Variants in KCND2 observed in about 807,000 individuals in gnomAD.
KCND2 encodes the protein A-type voltage-gated potassium channel KCND2.
KCND2 carries 16 observed loss-of-function variants against 54.4 expected under a neutral mutation model. The observed-to-expected ratio is 0.29, with a 90% CI of 0.20 to 0.45. The LOEUF (loss-of-function observed/expected upper bound fraction) is 0.45, where lower values mean the gene tolerates loss of function less well. Among genes scored for constraint, KCND2 ranks in the 20% least tolerant of loss-of-function variants. KCND2 has a pLI of 1.00. For missense variants in KCND2, 486 were observed against 824.2 expected (o/e 0.59, Z 5.02); for synonymous variants, 317 against 310.7 (o/e 1.02, Z -0.21).
At chr7:120,292,054 CCAAA>C (rs1799442630) in intron 1 of KCND2, among the ~76,000 whole-genome samples, 1 of 151,632 alleles carries the variant, frequency 6.6e-6, no homozygotes, top group South Asian at 2.1e-4. Flanking sequence ...AGTATTTTTC[CCAAA>C]CAGTTTAAGA....
rs1800901853 is a variant in KCND2, at chr7:120,380,487, G to A, written c.1115+104740G>A. Among the ~76,000 whole-genome samples, 2 of 151,836 alleles carry A rather than the reference G, an allele frequency of 1.3e-5. 1 individual carries two copies. The highest frequency in any genetic ancestry group is 1.3e-4 in the Admixed American group (2 of 15,194). On this transcript the variant is annotated intron_variant, in intron 1 of 5. Transcript: ENST00000331113. ...CAAATTCCAAAGTAGTATAACTTTG[G>A]GAAGTAAGAAAAATAAAAGACAATA...
chr7:120,452,400 G>T (rs1802126082), intron 1 of KCND2, among the ~76,000 whole-genome samples: 1 of 152,150 alleles, frequency 6.6e-6, no homozygotes, highest in South Asian at 2.1e-4. Context: ...CAGCCATTTG[G>T]AACATGTGAT....
At chr7:120,438,304 A>G (rs1463407312) in intron 1 of KCND2, among the ~76,000 whole-genome samples, 1 of 152,168 alleles carries the variant, frequency 6.6e-6, no homozygotes, top group Non-Finnish European at 1.5e-5. Context: ...TGGGGATGTA[A>G]CAGTTTTCAC....
intron 1 of KCND2, among the ~76,000 whole-genome samples, chr7:120,691,249 T>G (rs1343633683): frequency 6.6e-6 from 1 of 152,146 alleles, no homozygotes; most frequent in East Asian, 1.9e-4. Flanking sequence ...ATTTCTAACA[T>G]CTGCTGTAAC....
chr7:120,475,872 C>T (rs1459508388), intron 1 of KCND2, among the ~76,000 whole-genome samples: 1 of 152,122 alleles, frequency 6.6e-6, no homozygotes, highest in East Asian at 1.9e-4. Flanking sequence ...AATATTATAA[C>T]ATCCCCACTA....
At chr7:120,605,219 T>A (rs936226427) in intron 1 of KCND2, among the ~76,000 whole-genome samples, 1 of 152,062 alleles carries the variant, frequency 6.6e-6, no homozygotes, top group African/African-American at 2.4e-5. Context: ...TAGCAGTCAC[T>A]CTCCAATCCT....
chr7:120,722,813 C>T (rs537452011), intron 1 of KCND2, among the ~76,000 whole-genome samples: 2 of 152,294 alleles, frequency 1.3e-5, no homozygotes, highest in South Asian at 2.1e-4. Flanking sequence ...AAGGCTGGCA[C>T]TGCAGGCATA....
At chr7:120,290,187 G>A (rs772568483) in intron 1 of KCND2, among the ~76,000 whole-genome samples, 17 of 151,946 alleles carry the variant, frequency 1.1e-4, no homozygotes, top group Non-Finnish European at 2.4e-4. Context: ...TATTTTTACT[G>A]TAGAGTTTAA....
chr7:120,655,851 C>T (rs1189132780), intron 1 of KCND2, among the ~76,000 whole-genome samples: 2 of 152,074 alleles, frequency 1.3e-5, no homozygotes, highest in South Asian at 2.1e-4. Flanking sequence ...AAAACAAACA[C>T]TATCATTTTC....
intron 1 of KCND2, among the ~76,000 whole-genome samples, chr7:120,366,622 A>G (rs1464204618): frequency 2.0e-5 from 3 of 152,096 alleles, no homozygotes; most frequent in African/African-American, 7.2e-5. Flanking sequence ...TAGATTCTCT[A>G]TATGGTGCTG....
At chr7:120,633,863 C>T (rs1367299702) in intron 1 of KCND2, among the ~76,000 whole-genome samples, 1 of 152,038 alleles carries the variant, frequency 6.6e-6, no homozygotes, top group African/African-American at 2.4e-5. Flanking sequence ...TGAAAGAGAG[C>T]CAGGATCTTA....
intron 1 of KCND2, among the ~76,000 whole-genome samples, chr7:120,694,185 G>A (rs898334908): frequency 6.6e-6 from 1 of 152,160 alleles, no homozygotes; most frequent in Non-Finnish European, 1.5e-5. Context: ...CTGGCTTCCT[G>A]CAATAATTGT....
chr7:120,682,551 A>T (rs778185387), intron 1 of KCND2, among the ~76,000 whole-genome samples: 3 of 152,114 alleles, frequency 2.0e-5, no homozygotes, highest in South Asian at 2.1e-4. Context: ...GTTCTCCAAG[A>T]ATAGTATATA....
chr7:120,522,290 G>T (rs540949549), intron 1 of KCND2, among the ~76,000 whole-genome samples: 5 of 152,116 alleles, frequency 3.3e-5, no homozygotes, highest in Admixed American at 1.3e-4. Flanking sequence ...AAAAATCAAG[G>T]TAATCTACCC....
chr7:120,722,816 C>G (rs147882432), intron 1 of KCND2, among the ~76,000 whole-genome samples: 1 of 152,290 alleles, frequency 6.6e-6, no homozygotes, highest in East Asian at 1.9e-4. Context: ...GCTGGCACTG[C>G]AGGCATACAC....
intron 1 of KCND2, among the ~76,000 whole-genome samples, chr7:120,371,881 C>T (rs1162125139): frequency 6.6e-6 from 1 of 151,898 alleles, no homozygotes; most frequent in Non-Finnish European, 1.5e-5. Context: ...CAGGAATGTT[C>T]ACACAATGGC....
intron 1 of KCND2, among the ~76,000 whole-genome samples, chr7:120,553,937 C>A (rs1032804476): frequency 6.6e-6 from 1 of 152,184 alleles, no homozygotes; most frequent in East Asian, 1.9e-4. Flanking sequence ...ATCAGTTAGA[C>A]AAAAGCTTGG....
chr7:120,393,550 A>G (rs1206010044), intron 1 of KCND2, among the ~76,000 whole-genome samples: 2 of 151,914 alleles, frequency 1.3e-5, no homozygotes, highest in Non-Finnish European at 2.9e-5. Flanking sequence ...TTCCCTCTTC[A>G]TTGTATACCC....
chr7:120,287,481 A>G (rs967277226), intron 1 of KCND2, among the ~76,000 whole-genome samples: 21 of 152,182 alleles, frequency 1.4e-4, no homozygotes, highest in African/African-American at 4.8e-4. Context: ...AAATATAAGA[A>G]CCACTGAAGA....
Sources: allele counts gnomAD v4.1 joint callset (sites outside exome capture counted in the v4.1 genomes callset), GRCh38; gene constraint gnomAD v4.1.1; transcripts MANE v1.5; gene names NCBI Gene and HGNC (gene_info 2026-07-23, HGNC 2026-07-21).